ZBTB20: variants seen among roughly 807,000 people sequenced by gnomAD.
The protein encoded by ZBTB20 is zinc finger and BTB domain containing 20.
Under a neutral mutation model 56.9 loss-of-function variants are expected in ZBTB20, and 9 were observed. The ratio of observed to expected loss-of-function variants is 0.16; its 90% CI spans 0.10 to 0.28. The LOEUF (loss-of-function observed/expected upper bound fraction) is 0.28, where lower values mean the gene tolerates loss of function less well. ZBTB20 is among the 10% of genes least tolerant of loss of function. The pLI is 1.00. For synonymous variants in ZBTB20, 417 were observed against 420.7 expected (o/e 0.99, Z 0.11); for missense variants, 655 against 1,003.0 (o/e 0.65, Z 4.69).
At chr3:114,387,147 C>T (rs1275337368) in intron 8 of ZBTB20, 1 of 35,586 alleles carries the variant, frequency 2.8e-5, no homozygotes, top group African/African-American at 9.5e-5. Flanking sequence ...CATTATTGTG[C>T]AGGTGGTATG....
intron 3 of ZBTB20, among the ~76,000 whole-genome samples, chr3:114,950,529 A>C (rs1415676067): frequency 6.6e-6 from 1 of 152,114 alleles, no homozygotes; most frequent in South Asian, 2.1e-4. Context: ...ACTGTGGAAA[A>C]CTGAAATCAT....
chr3:114,960,695 A>G (rs988593165), intron 3 of ZBTB20, among the ~76,000 whole-genome samples: 1 of 152,202 alleles, frequency 6.6e-6, no homozygotes, highest in Non-Finnish European at 1.5e-5. Context: ...CCCTGAAAAC[A>G]TTTCAATGTG....
chr3:114,984,872 C>T (rs925496684), intron 2 of ZBTB20, among the ~76,000 whole-genome samples: 1 of 151,934 alleles, frequency 6.6e-6, no homozygotes, highest in Non-Finnish European at 1.5e-5. Context: ...TACTAAAATC[C>T]AGCCACACTA....
At chr3:114,539,779 G>C (rs142183043) in intron 6 of ZBTB20, among the ~76,000 whole-genome samples, 2 of 151,952 alleles carry the variant, frequency 1.3e-5, no homozygotes, top group African/African-American at 4.8e-5. Flanking sequence ...TGAGCTGCTC[G>C]AGAAAAATGA....
At chr3:114,664,193 A>G (rs766227058) in intron 6 of ZBTB20, among the ~76,000 whole-genome samples, 3 of 152,024 alleles carry the variant, frequency 2.0e-5, no homozygotes, top group African/African-American at 4.8e-5. Context: ...CCCCTTGCAA[A>G]ACCTGAGATT....
At chr3:114,928,221 T>C (rs747946887) in intron 3 of ZBTB20, among the ~76,000 whole-genome samples, 3 of 152,258 alleles carry the variant, frequency 2.0e-5, no homozygotes, top group Non-Finnish European at 4.4e-5. Flanking sequence ...TAGCTTTATC[T>C]GTCGTCTGAG....
At chr3:114,823,294 T>C (rs1454381584) in intron 4 of ZBTB20, among the ~76,000 whole-genome samples, 1 of 152,080 alleles carries the variant, frequency 6.6e-6, no homozygotes, top group Non-Finnish European at 1.5e-5. Context: ...CCTGGAGTAG[T>C]GTACAATGAG....
At chr3:114,664,082 C>T (rs568560283) in intron 6 of ZBTB20, among the ~76,000 whole-genome samples, 2 of 152,132 alleles carry the variant, frequency 1.3e-5, no homozygotes, top group Non-Finnish European at 2.9e-5. Flanking sequence ...AGAGTTCCTT[C>T]TAAATCTAAA....
At chr3:114,881,322 C>T (rs992810786) in intron 4 of ZBTB20, among the ~76,000 whole-genome samples, 3 of 152,046 alleles carry the variant, frequency 2.0e-5, no homozygotes, top group Non-Finnish European at 2.9e-5. Flanking sequence ...ACAATGATTA[C>T]TTGAAGTGAA....
At position 115,090,346 on chromosome 3, in the gene ZBTB20, T is replaced by C. The variant is rs189088751; in HGVS notation, c.-702-18932A>G. On this transcript the variant is annotated intron_variant, in intron 1 of 11. Coordinates refer to ENST00000675478, the MANE Select transcript of ZBTB20 (RefSeq NM_001348800.3). ...ACTGGACTAGAATATAGTAAGATAA[T>C]ATTGAAAAGAATTTTTTTCATATTT... Among the ~76,000 whole-genome samples, 546 of 151,978 alleles carry C rather than the reference T, an allele frequency of 3.6e-3. 2 individuals are homozygous for C. The highest frequency in any genetic ancestry group is 6.7e-3 in the Non-Finnish European group (455 of 67,836).
At chr3:114,824,390 G>C (rs2073410524) in intron 4 of ZBTB20, among the ~76,000 whole-genome samples, 4 of 151,880 alleles carry the variant, frequency 2.6e-5, no homozygotes, top group Non-Finnish European at 5.9e-5. Context: ...GACAGAGTTT[G>C]ACAGTAAGTG....
At chr3:114,959,259 A>C (rs2107961673) in intron 3 of ZBTB20, among the ~76,000 whole-genome samples, 1 of 152,314 alleles carries the variant, frequency 6.6e-6, no homozygotes, top group Non-Finnish European at 1.5e-5. Context: ...ATAAACAAAA[A>C]AAATTGACAT....
At chr3:114,911,523 A>G (rs557519899) in intron 3 of ZBTB20, among the ~76,000 whole-genome samples, 6 of 152,066 alleles carry the variant, frequency 3.9e-5, no homozygotes, top group Non-Finnish European at 8.8e-5. Context: ...AAATATAATT[A>G]GGAAAATAAT....
chr3:114,670,604 C>A (rs1409509051), intron 6 of ZBTB20, among the ~76,000 whole-genome samples: 1 of 152,036 alleles, frequency 6.6e-6, no homozygotes, highest in African/African-American at 2.4e-5. Flanking sequence ...AAATTTATTT[C>A]TAGAACAAGG....
At chr3:114,614,054 G>C (rs1577962285) in intron 6 of ZBTB20, among the ~76,000 whole-genome samples, 1 of 152,234 alleles carries the variant, frequency 6.6e-6, no homozygotes, top group East Asian at 1.9e-4. Context: ...GTTTTCTTAA[G>C]GTTACAGTGT....
At chr3:114,868,818 A>T (rs956893396) in intron 4 of ZBTB20, among the ~76,000 whole-genome samples, 8 of 152,016 alleles carry the variant, frequency 5.3e-5, no homozygotes, top group Non-Finnish European at 1.2e-4. Flanking sequence ...ATTATTTTTT[A>T]CTCTTATCAT....
intron 5 of ZBTB20, among the ~76,000 whole-genome samples, chr3:114,776,041 T>TC (rs2069584631): frequency 6.6e-6 from 1 of 150,954 alleles, no homozygotes; most frequent in African/African-American, 2.4e-5. Context: ...TCTTTTTTTT[T>TC]TTTTTTTTAC....
chr3:114,725,353 A>C (rs1337088911), intron 5 of ZBTB20, among the ~76,000 whole-genome samples: 1 of 152,238 alleles, frequency 6.6e-6, no homozygotes, highest in Admixed American at 6.5e-5. Context: ...AAGTATACAG[A>C]CAAGGGTCAG....
intron 8 of ZBTB20, among the ~76,000 whole-genome samples, chr3:114,382,565 T>C: frequency 6.6e-6 from 1 of 152,318 alleles, no homozygotes; most frequent in South Asian, 2.1e-4. Flanking sequence ...TCATACTTAT[T>C]AAATGGTGTC....
Sources: gnomAD v4.1 joint callset for allele counts (sites outside exome capture counted in the v4.1 genomes callset) on GRCh38, gnomAD v4.1.1 for gene constraint, MANE v1.5 for transcripts, NCBI Gene and HGNC (gene_info 2026-07-23, HGNC 2026-07-21) for gene names.